The following PDZRN4 variants were observed in gnomAD, a reference collection of about 807,000 sequenced individuals.
PDZRN4 encodes the protein PDZ domain containing ring finger 4.
In PDZRN4, 70 loss-of-function variants were observed where a neutral mutation model predicts 99.0. The observed-to-expected ratio is 0.71, with a 90% CI of 0.58 to 0.86. The LOEUF (loss-of-function observed/expected upper bound fraction) is 0.86, where lower values mean the gene tolerates loss of function less well. Ranked by LOEUF, PDZRN4 falls within the 40% of genes least tolerant of loss-of-function variation. PDZRN4 has a pLI of 0.00. For missense variants in PDZRN4, 1,474 were observed against 1,331.2 expected, an observed-to-expected ratio of 1.11 and a Z score of -1.67; for synonymous variants, 551 against 501.6, an observed-to-expected ratio of 1.10 and a Z score of -1.32.
At chr12:41,552,124 C>T (rs1216157709) in intron 5 of PDZRN4, among the ~76,000 whole-genome samples, 1 of 152,120 alleles carries the variant, frequency 6.6e-6, no homozygotes, top group South Asian at 2.1e-4. Flanking sequence ...TAATAGAAAA[C>T]CTTGGCCTGA....
intron 8 of PDZRN4, among the ~76,000 whole-genome samples, chr12:41,564,436 GTCTA>G (rs370085969): frequency 5.1e-4 from 77 of 152,266 alleles, no homozygotes; most frequent in African/African-American, 1.7e-3. Flanking sequence ...ATTGTCACCA[GTCTA>G]TCTATCTGTC....
Position 41,396,137 on chromosome 12 carries a change from C to T in PDZRN4, c.844-110319C>T, listed in dbSNP as rs370170130. ...TGCTTGGAAATGACCTTAATTAGGT[C>T]ATCACATTTTACTAGCCAATTTATT... On this transcript the variant is annotated intron_variant, in intron 3 of 9. Transcript: ENST00000402685. Among the ~76,000 whole-genome samples, 79 of 152,162 alleles carry T rather than the reference C, an allele frequency of 5.2e-4. No individual in the cohort carries two copies. The South Asian group carries it at 0.011, about 22-fold the overall frequency.
intron 3 of PDZRN4, among the ~76,000 whole-genome samples, chr12:41,330,530 T>G (rs965829741): frequency 2.0e-5 from 3 of 151,244 alleles, no homozygotes; most frequent in African/African-American, 7.3e-5. Flanking sequence ...TGATCTTTCC[T>G]AATAGTACCT....
At chr12:41,440,660 A>G (rs1187904069) in intron 3 of PDZRN4, among the ~76,000 whole-genome samples, 1 of 152,162 alleles carries the variant, frequency 6.6e-6, no homozygotes, top group Non-Finnish European at 1.5e-5. Flanking sequence ...GAGTTGGGCC[A>G]ATCAGGCTCC....
chr12:41,391,618 C>T (rs1952211863), intron 3 of PDZRN4, among the ~76,000 whole-genome samples: 1 of 152,128 alleles, frequency 6.6e-6, no homozygotes, highest in South Asian at 2.1e-4. Context: ...TTTTTGGACC[C>T]ACTTCTAACC....
At chr12:41,508,799 A>T (rs572884463) in intron 4 of PDZRN4, among the ~76,000 whole-genome samples, 1 of 152,254 alleles carries the variant, frequency 6.6e-6, no homozygotes, top group African/African-American at 2.4e-5. Flanking sequence ...CTATAGTATG[A>T]GGGCATGAGG....
At chr12:41,554,722 T>A (rs1301502054) in intron 6 of PDZRN4, among the ~76,000 whole-genome samples, 2 of 152,148 alleles carry the variant, frequency 1.3e-5, no homozygotes, top group Non-Finnish European at 2.9e-5. Context: ...GCCTTAAATA[T>A]CTATACATTC....
chr12:41,410,127 A>G (rs1952384510), intron 3 of PDZRN4, among the ~76,000 whole-genome samples: 1 of 152,164 alleles, frequency 6.6e-6, no homozygotes, highest in South Asian at 2.1e-4. Context: ...CTATTTCAAC[A>G]TTTTATCTTT....
chr12:41,291,274 G>T (rs1006335246), intron 3 of PDZRN4, among the ~76,000 whole-genome samples: 3 of 152,120 alleles, frequency 2.0e-5, no homozygotes, highest in African/African-American at 7.2e-5. Flanking sequence ...AATAAAAAGT[G>T]TTTCTGAAGC....
chr12:41,311,660 CT>C (rs1192904020), intron 3 of PDZRN4, among the ~76,000 whole-genome samples: 1 of 152,168 alleles, frequency 6.6e-6, no homozygotes, highest in African/African-American at 2.4e-5. Flanking sequence ...CAATGTCAAA[CT>C]TCAGTTGATT....
intron 3 of PDZRN4, among the ~76,000 whole-genome samples, chr12:41,286,310 C>CTTTACAGA (rs1428278539): frequency 6.9e-6 from 1 of 144,594 alleles, no homozygotes; most frequent in African/African-American, 2.5e-5. Context: ...TCCTATTTTC[C>CTTTACAGA]TTTACAGATC....
intron 3 of PDZRN4, among the ~76,000 whole-genome samples, chr12:41,476,484 C>A (rs1265065598): frequency 6.6e-6 from 1 of 152,196 alleles, no homozygotes; most frequent in Non-Finnish European, 1.5e-5. Flanking sequence ...AAACAGATGA[C>A]CTTTTTGTTT....
At chr12:41,427,986 G>A (rs1329771646) in intron 3 of PDZRN4, among the ~76,000 whole-genome samples, 1 of 152,100 alleles carries the variant, frequency 6.6e-6, no homozygotes, top group Non-Finnish European at 1.5e-5. Context: ...TACTTAGGAG[G>A]CTGAGGCAGG....
intron 3 of PDZRN4, among the ~76,000 whole-genome samples, chr12:41,345,623 T>C (rs1389595075): frequency 6.6e-6 from 1 of 152,194 alleles, no homozygotes; most frequent in Non-Finnish European, 1.5e-5. Flanking sequence ...ATCTTCTCAG[T>C]TGCTTTTAAT....
At chr12:41,308,666 G>A (rs922781924) in intron 3 of PDZRN4, among the ~76,000 whole-genome samples, 1 of 152,088 alleles carries the variant, frequency 6.6e-6, no homozygotes, top group Non-Finnish European at 1.5e-5. Context: ...AATAACCCAA[G>A]AATATATTTA....
intron 5 of PDZRN4, among the ~76,000 whole-genome samples, chr12:41,548,219 A>G (rs1391736507): frequency 1.3e-5 from 2 of 152,226 alleles, no homozygotes; most frequent in East Asian, 1.9e-4. Context: ...TTCACTAAGT[A>G]TTATCCCCAG....
At chr12:41,390,306 G>T (rs1379780) in intron 3 of PDZRN4, among the ~76,000 whole-genome samples, 1 of 151,940 alleles carries the variant, frequency 6.6e-6, no homozygotes, top group African/African-American at 2.4e-5. Context: ...AATATTAATT[G>T]TTTCTTCATT....
intron 3 of PDZRN4, among the ~76,000 whole-genome samples, chr12:41,427,392 G>T (rs148446048): frequency 2.6e-5 from 4 of 152,068 alleles, no homozygotes; most frequent in Admixed American, 1.3e-4. Flanking sequence ...GTTCATGTTC[G>T]TAAGACCCCT....
intron 3 of PDZRN4, among the ~76,000 whole-genome samples, chr12:41,344,037 T>A (rs1951836042): frequency 6.6e-6 from 1 of 152,226 alleles, no homozygotes; most frequent in South Asian, 2.1e-4. Flanking sequence ...ATACTTCAGG[T>A]TTCTACTCAT....
Sources: gnomAD v4.1 joint callset for allele counts (sites outside exome capture counted in the v4.1 genomes callset) on GRCh38, gnomAD v4.1.1 for gene constraint, MANE v1.5 for transcripts, NCBI Gene and HGNC (gene_info 2026-07-23, HGNC 2026-07-21) for gene names.